IL1RAPL1: variants seen among roughly 807,000 people sequenced by gnomAD.
IL1RAPL1 encodes the protein interleukin-1 receptor accessory protein-like 1.
IL1RAPL1 carries 3 observed loss-of-function variants against 48.4 expected under a neutral mutation model. That is an observed-to-expected ratio of 0.06 (90% CI 0.03 to 0.16). The LOEUF (loss-of-function observed/expected upper bound fraction) is 0.16. Among genes scored for constraint, IL1RAPL1 ranks in the 10% least tolerant of loss-of-function variants. The pLI is 1.00. For synonymous variants in IL1RAPL1, 185 were observed against 187.7 expected (o/e 0.99, Z 0.12); for missense variants, 349 against 530.6 (o/e 0.66, Z 3.36).
At chrX:28,793,251 C>T (rs901827914) in intron 2 of IL1RAPL1, among the ~76,000 whole-genome samples, 9 of 110,413 alleles carry the variant, frequency 8.2e-5, no homozygotes, top group Admixed American at 1.9e-4. Context: ...AAATCCCCCA[C>T]ATGTAAAGCA....
intron 2 of IL1RAPL1, among the ~76,000 whole-genome samples, chrX:28,855,764 CTT>C (rs1299248657): frequency 1.8e-5 from 2 of 111,346 alleles, no homozygotes; most frequent in Non-Finnish European, 3.8e-5. Flanking sequence ...TTGCCAATGA[CTT>C]TGTCTGGAGA....
chrX:29,562,030 T>A (rs1922215430), intron 5 of IL1RAPL1, among the ~76,000 whole-genome samples: 1 of 83,399 alleles, frequency 1.2e-5, no homozygotes, highest in Admixed American at 1.5e-4. Context: ...TTTTTCTTTT[T>A]CAATTCTATC....
chrX:28,830,992 T>TTC (rs1160527555), intron 2 of IL1RAPL1, among the ~76,000 whole-genome samples: 498 of 16,017 alleles, frequency 0.031, 46 homozygotes, highest in Admixed American at 0.05. Flanking sequence ...TGCCCAGGGT[T>TTC]TCTCTCTCTC....
At chrX:29,303,445 A>G (rs1382925000) in intron 3 of IL1RAPL1, among the ~76,000 whole-genome samples, 1 of 111,991 alleles carries the variant, frequency 8.9e-6, no homozygotes, top group Non-Finnish European at 1.9e-5. Context: ...ACCTATATTA[A>G]AGTCTCTTTA....
At chrX:29,602,188 G>C (rs1923744939) in intron 5 of IL1RAPL1, among the ~76,000 whole-genome samples, 1 of 108,506 alleles carries the variant, frequency 9.2e-6, no homozygotes, top group Admixed American at 9.7e-5. Context: ...TCACCATGTT[G>C]ATCAGGCTGA....
At chrX:29,260,474 A>G (rs1212370981) in intron 2 of IL1RAPL1, among the ~76,000 whole-genome samples, 1 of 112,135 alleles carries the variant, frequency 8.9e-6, no homozygotes, top group Non-Finnish European at 1.9e-5. Context: ...GCCCATTTAT[A>G]AAACCATCAG....
chrX:28,620,055 G>T (rs1366875263), intron 1 of IL1RAPL1, among the ~76,000 whole-genome samples: 1 of 110,268 alleles, frequency 9.1e-6, no homozygotes, highest in East Asian at 2.9e-4. Context: ...TATAACCAAA[G>T]GCTCTGAGAA....
At chrX:28,841,719 AT>A (rs200299983) in intron 2 of IL1RAPL1, among the ~76,000 whole-genome samples, 4 of 109,056 alleles carry the variant, frequency 3.7e-5, no homozygotes, top group African/African-American at 1.0e-4. Flanking sequence ...AATAAAACAC[AT>A]TTTTTTTTCT....
At chrX:29,865,048 C>G (rs1189362631) in intron 6 of IL1RAPL1, among the ~76,000 whole-genome samples, 5 of 111,892 alleles carry the variant, frequency 4.5e-5, no homozygotes, top group East Asian at 2.8e-4. Flanking sequence ...TCCTTGTTTT[C>G]AAAGGATTTC....
chrX:29,742,410 C>G (rs1257827019), intron 6 of IL1RAPL1, among the ~76,000 whole-genome samples: 2 of 110,247 alleles, frequency 1.8e-5, no homozygotes, highest in Non-Finnish European at 3.8e-5. Flanking sequence ...GAATTCATGG[C>G]CAAACCATGA....
chrX:29,340,494 C>T (rs778051717), intron 3 of IL1RAPL1, among the ~76,000 whole-genome samples: 1 of 112,121 alleles, frequency 8.9e-6, no homozygotes, highest in Non-Finnish European at 1.9e-5. Flanking sequence ...TGATGTTCAT[C>T]CGCATTCTGT....
intron 2 of IL1RAPL1, among the ~76,000 whole-genome samples, chrX:29,259,096 G>A (rs1336423402): frequency 2.7e-5 from 3 of 111,316 alleles, no homozygotes; most frequent in African/African-American, 6.5e-5. Flanking sequence ...CTCAGACTTC[G>A]ATGACCCTAA....
At chrX:29,688,007 C>G (rs1926675000) in intron 6 of IL1RAPL1, among the ~76,000 whole-genome samples, 1 of 111,614 alleles carries the variant, frequency 9.0e-6, no homozygotes, top group African/African-American at 3.3e-5. Flanking sequence ...CAAGTGGAAG[C>G]TTGTATGACA....
intron 2 of IL1RAPL1, among the ~76,000 whole-genome samples, chrX:28,840,654 A>G (rs1214896141): frequency 9.0e-6 from 1 of 111,272 alleles, no homozygotes; most frequent in Non-Finnish European, 1.9e-5. Context: ...TAACTTAATA[A>G]TAAGTATATA....
intron 1 of IL1RAPL1, among the ~76,000 whole-genome samples, chrX:28,750,069 CAGCCTCCCTAGT>C (rs1936024019): frequency 1.8e-5 from 2 of 109,115 alleles, no homozygotes; most frequent in Admixed American, 2.0e-4. Flanking sequence ...TCTCCTGCCT[CAGCCTCCCTAGT>C]AGCTGGGATT....
chrX:29,645,452 G>T (rs946796989), intron 5 of IL1RAPL1, among the ~76,000 whole-genome samples: 1 of 111,243 alleles, frequency 9.0e-6, no homozygotes, highest in African/African-American at 3.3e-5. Flanking sequence ...CTGCTTGGGG[G>T]AAAGAGAGGG....
At chrX:29,144,961 T>C (rs991694152) in intron 2 of IL1RAPL1, among the ~76,000 whole-genome samples, 9 of 110,274 alleles carry the variant, frequency 8.2e-5, no homozygotes, top group Middle Eastern at 9.3e-3. Flanking sequence ...ACTCCTGACT[T>C]CAAGTGATCT....
chrX:28,819,838 T>A (rs746495737), intron 2 of IL1RAPL1, among the ~76,000 whole-genome samples: 162 of 105,347 alleles, frequency 1.5e-3, no homozygotes, highest in African/African-American at 5.4e-3. Flanking sequence ...ATTGCATAGT[T>A]TTTTCCATTT....
At chrX:29,730,634 G>T (rs1927892671) in intron 6 of IL1RAPL1, among the ~76,000 whole-genome samples, 1 of 111,185 alleles carries the variant, frequency 9.0e-6, no homozygotes, top group Non-Finnish European at 1.9e-5. Flanking sequence ...TTCTAAAAGA[G>T]AATTATAGTC....
Sources: allele counts gnomAD v4.1 joint callset (sites outside exome capture counted in the v4.1 genomes callset), GRCh38; gene constraint gnomAD v4.1.1; transcripts MANE v1.5; gene names NCBI Gene and HGNC (gene_info 2026-07-23, HGNC 2026-07-21).